GFPT1: variants seen among roughly 807,000 people sequenced by gnomAD.
GFPT1 encodes glutamine--fructose-6-phosphate transaminase 1.
GFPT1 carries 40 observed loss-of-function variants against 92.0 expected under a neutral mutation model. That is an observed-to-expected ratio of 0.43 (90% CI 0.34 to 0.57). GFPT1 has a LOEUF of 0.57. Among genes scored for constraint, GFPT1 ranks in the 20% least tolerant of loss-of-function variants. GFPT1 has a pLI of 0.02. For missense variants in GFPT1, 448 were observed against 869.1 expected, an observed-to-expected ratio of 0.52 and a Z score of 6.09; for synonymous variants, 269 against 280.6, an observed-to-expected ratio of 0.96 and a Z score of 0.41.
At chr2:69,332,555 T>C (rs1398284380) in intron 15 of GFPT1, among the ~76,000 whole-genome samples, 1 of 151,892 alleles carries the variant, frequency 6.6e-6, no homozygotes, top group African/African-American at 2.4e-5. Flanking sequence ...TGTCCTCAAG[T>C]GATCTGCCCA....
intron 12 of GFPT1, among the ~76,000 whole-genome samples, chr2:69,344,878 C>T (rs1344774598): frequency 6.6e-6 from 1 of 151,920 alleles, no homozygotes; most frequent in Non-Finnish European, 1.5e-5. Context: ...AGCGATCCTC[C>T]CGCTTTGGGT....
chr2:69,361,010 C>CA (rs1671459172), intron 4 of GFPT1, among the ~76,000 whole-genome samples: 2 of 152,074 alleles, frequency 1.3e-5, no homozygotes, highest in South Asian at 4.1e-4. Flanking sequence ...GCTAGGATTA[C>CA]AGGCATGAGT....
At position 69,326,243 on chromosome 2, in the gene GFPT1, G is replaced by GA. The variant is rs201268947; in HGVS notation, c.2056-11dup. ...TCCGTGGGAAATCAACCTGCAAAAA[G>GA]AAAAAAAAAAAAAGCAAGATTTGAG... On this transcript the variant is annotated splice_polypyrimidine_tract_variant and intron_variant, in intron 19 of 19. Transcript: ENST00000357308. 20,514 of 1,312,286 alleles carry GA rather than the reference G, an allele frequency of 0.016. No homozygotes were observed. The highest frequency in any genetic ancestry group is 0.018 in the Non-Finnish European group (16,872 of 949,810). The allele number at this position is 1,312,286 out of a possible 1,614,324, so 81.3% of individuals were successfully genotyped here.
chr2:69,345,758 C>G (rs1272034973), intron 12 of GFPT1, 146 bp downstream of exon 12: 6 of 625,098 alleles, frequency 9.6e-6, no homozygotes, highest in Non-Finnish European at 1.7e-5. Flanking sequence ...CACTAAAGAA[C>G]TTTTTCCAAG....
At chr2:69,359,389 T>C in intron 4 of GFPT1, 63 bp from the exon 5 acceptor site, 1 of 915,582 alleles carries the variant, frequency 1.1e-6, no homozygotes, top group South Asian at 1.3e-5. Context: ...AAAATAGCTA[T>C]TACTCTAACT....
At chr2:69,344,860 T>C (rs1035464167) in intron 12 of GFPT1, among the ~76,000 whole-genome samples, 1 of 151,968 alleles carries the variant, frequency 6.6e-6, no homozygotes, top group East Asian at 1.9e-4. Flanking sequence ...CTAGAATTCC[T>C]GAGCTCAAGC....
intron 10 of GFPT1, 52 bp from the exon 11 acceptor site, chr2:69,348,386 C>T (rs372670932): frequency 1.5e-6 from 2 of 1,337,474 alleles, no homozygotes; most frequent in Non-Finnish European, 2.2e-6. Context: ...ATCATTATTA[C>T]AAATGAAACT....
At chr2:69,362,985 C>T (rs1671512597) in intron 4 of GFPT1, among the ~76,000 whole-genome samples, 1 of 151,970 alleles carries the variant, frequency 6.6e-6, no homozygotes, top group Non-Finnish European at 1.5e-5. Context: ...GTGGTTCATG[C>T]CTATAATCCC....
At chr2:69,361,926 G>A (rs1434239082) in intron 4 of GFPT1, among the ~76,000 whole-genome samples, 2 of 152,116 alleles carry the variant, frequency 1.3e-5, no homozygotes, top group Non-Finnish European at 2.9e-5. Flanking sequence ...GTTACAGTGA[G>A]CTATGATCCC....
chr2:69,329,305 C>T lies in GFPT1; in HGVS notation c.1717G>A (p.Gly573Arg). Reference sequence around the variant, plus strand: ...GAACTGAGAAAACTTACCAGTGCCCCTTCAAGACAAGTAGCATAATGATAG... The same window carrying T: ...GAACTGAGAAAACTTACCAGTGCCCTTTCAAGACAAGTAGCATAATGATAG... ...RGYHYATCLE[G>R]ALKIKEITYM... Residue 573 changes from glycine to arginine, a missense_variant, in exon 17 of 20, where the codon GGG becomes AGG. This residue lies in a region of GFPT1 where 73 missense variants were observed against 103.5 expected (regional missense o/e 0.71). Coordinates refer to ENST00000357308, the MANE Select transcript of GFPT1 (RefSeq NM_001244710.2). 6.2e-7 allele frequency: 1 copy of T among 1,613,826 alleles called. No homozygotes were observed. Among genetic ancestry groups the T allele is most frequent in the Non-Finnish European group, 8.5e-7 (1 of 1,179,782 alleles).
At chr2:69,345,382 C>T (rs552514941) in intron 12 of GFPT1, among the ~76,000 whole-genome samples, 1 of 152,308 alleles carries the variant, frequency 6.6e-6, no homozygotes, top group African/African-American at 2.4e-5. Context: ...CTTATTTATA[C>T]ACTCAGAAAG....
Position 69,326,063 on chromosome 2 carries a change from G to T in GFPT1, c.*126C>A. The stretch of plus-strand genomic sequence containing the variant: ...CATATTGAGTGGAATAATTATAACT[G>T]ATATATAAATAAGGATTTACTAAAA... On this transcript the variant is annotated 3_prime_UTR_variant, in exon 20 of 20. Coordinates refer to ENST00000357308, the MANE Select transcript of GFPT1 (RefSeq NM_001244710.2). 1.5e-6 allele frequency: 1 copy of T among 653,866 alleles called. No homozygotes were observed. Among genetic ancestry groups the T allele is most frequent in the Non-Finnish European group, 2.7e-6 (1 of 368,574 alleles). The allele number at this position is 653,866 out of a possible 1,614,324, so 40.5% of individuals were successfully genotyped here.
At chr2:69,340,321 C>T (rs1050977397) in intron 13 of GFPT1, among the ~76,000 whole-genome samples, 2 of 151,726 alleles carry the variant, frequency 1.3e-5, no homozygotes. Context: ...ACCACTGCAC[C>T]CAGCTGCGAA....
At chr2:69,369,861 C>T in intron 3 of GFPT1, 140 bp downstream of exon 3, 2 of 695,280 alleles carry the variant, frequency 2.9e-6, no homozygotes, top group South Asian at 1.5e-5. Flanking sequence ...AACTACTTTT[C>T]TTTCCTCCCT....
chr2:69,327,268 A>G (rs1670554458), intron 18 of GFPT1, among the ~76,000 whole-genome samples, 193 bp from the exon 19 acceptor site: 1 of 152,202 alleles, frequency 6.6e-6, no homozygotes, highest in African/African-American at 2.4e-5. Flanking sequence ...GGATCCAGTA[A>G]TTTGTTTAAA....
intron 14 of GFPT1, 22 bp downstream of exon 14, chr2:69,338,418 CCTTTT>C (rs752984065): frequency 5.7e-6 from 9 of 1,585,444 alleles, no homozygotes; most frequent in South Asian, 4.4e-5. Context: ...AACTTTCCTT[CCTTTT>C]AAGTCTTTAA....
intron 19 of GFPT1, 25 bp downstream of exon 19, chr2:69,326,889 A>C (rs1275659109): frequency 6.2e-7 from 1 of 1,612,510 alleles, no homozygotes; most frequent in Non-Finnish European, 8.5e-7. Context: ...CCATCCCAAG[A>C]TTTCTGCAGT....
At chr2:69,370,217 C>T (rs1285741756) in intron 2 of GFPT1, 109 bp from the exon 3 acceptor site, 9 of 739,454 alleles carry the variant, frequency 1.2e-5, no homozygotes, top group Non-Finnish European at 2.2e-5. Context: ...CTAATTAATT[C>T]ACTAATGTAT....
chr2:69,370,083 A>G lies in GFPT1; in HGVS notation c.141T>C (p.Asp47=). The G allele has an allele frequency of 6.2e-7, 1 of 1,610,158 alleles. No individual in the cohort carries two copies. The highest frequency in any genetic ancestry group is 8.5e-7 in the Non-Finnish European group (1 of 1,176,400). ...TGCAGGCATTGGCTTCCCAATCTTT[A>G]TCATTGCCTCCATCAAATCCCACAC... ...SAGVGFDGGN[D]KDWEANACKI... Residue 47 remains aspartate (D), a synonymous_variant, in exon 3 of 20, where the codon GAT becomes GAC. Transcript: ENST00000357308.
Sources: gnomAD v4.1 joint callset for allele counts (sites outside exome capture counted in the v4.1 genomes callset) on GRCh38, gnomAD v4.1.1 for gene constraint, gnomAD v4.1.1 regional missense constraint, MANE v1.5 for transcripts, NCBI Gene and HGNC (gene_info 2026-07-23, HGNC 2026-07-21) for gene names.